ZBTB20: variants seen among roughly 807,000 people sequenced by gnomAD.
The protein encoded by ZBTB20 is zinc finger and BTB domain containing 20, also known as zinc finger and BTB domain-containing protein 20.
A neutral mutation model predicts 56.9 loss-of-function variants in ZBTB20; 9 were observed. The ratio of observed to expected loss-of-function variants is 0.16; its 90% CI spans 0.10 to 0.28. The LOEUF is 0.28. ZBTB20 is among the 10% of genes least tolerant of loss of function. The pLI, the probability that ZBTB20 is intolerant of heterozygous loss-of-function variation, is 1.00. For synonymous variants in ZBTB20, 417 were observed against 420.7 expected (o/e 0.99, Z 0.11); for missense variants, 655 against 1,003.0 (o/e 0.65, Z 4.69).
intron 6 of ZBTB20, among the ~76,000 whole-genome samples, chr3:114,576,178 C>T (rs763066753): frequency 2.0e-5 from 3 of 152,080 alleles, no homozygotes; most frequent in Non-Finnish European, 4.4e-5. Flanking sequence ...GAATACTCGA[C>T]TACTCTGGAC....
At chr3:115,036,320 A>C (rs1440519849) in intron 2 of ZBTB20, among the ~76,000 whole-genome samples, 1 of 151,020 alleles carries the variant, frequency 6.6e-6, no homozygotes, top group Non-Finnish European at 1.5e-5. Context: ...TTTTTTTCCG[A>C]GACGGAGTCT....
intron 6 of ZBTB20, among the ~76,000 whole-genome samples, chr3:114,614,364 A>G (rs2057771733): frequency 6.6e-6 from 1 of 152,204 alleles, no homozygotes; most frequent in South Asian, 2.1e-4. Context: ...GGAAAAATTG[A>G]GTATTGTGAG....
intron 6 of ZBTB20, among the ~76,000 whole-genome samples, chr3:114,567,037 G>T (rs931635260): frequency 6.6e-6 from 1 of 152,134 alleles, no homozygotes; most frequent in Non-Finnish European, 1.5e-5. Context: ...TTGCATAGGG[G>T]TGTCATGTGT....
intron 1 of ZBTB20, among the ~76,000 whole-genome samples, chr3:115,085,329 T>C (rs2082946486): frequency 6.6e-6 from 1 of 151,892 alleles, no homozygotes; most frequent in African/African-American, 2.4e-5. Context: ...CAAATTGGTT[T>C]TGGGATGTGA....
chr3:114,810,992 A>G (rs573681530), intron 4 of ZBTB20, among the ~76,000 whole-genome samples: 2 of 152,310 alleles, frequency 1.3e-5, no homozygotes, highest in East Asian at 3.9e-4. Flanking sequence ...TGGGAGATAA[A>G]TAGTTTTGCC....
intron 6 of ZBTB20, among the ~76,000 whole-genome samples, chr3:114,636,408 G>T (rs1266808516): frequency 6.6e-6 from 1 of 152,056 alleles, no homozygotes; most frequent in Non-Finnish European, 1.5e-5. Flanking sequence ...GTACTCTAAT[G>T]ATAGTGTGTA....
At chr3:114,648,149 T>A (rs2059946043) in intron 6 of ZBTB20, among the ~76,000 whole-genome samples, 1 of 151,808 alleles carries the variant, frequency 6.6e-6, no homozygotes, top group Non-Finnish European at 1.5e-5. Flanking sequence ...TACTCATCAA[T>A]AAAAAATTTA....
intron 5 of ZBTB20, among the ~76,000 whole-genome samples, chr3:114,763,876 A>G (rs1485269631): frequency 1.3e-5 from 2 of 152,174 alleles, no homozygotes; most frequent in African/African-American, 4.8e-5. Flanking sequence ...CAAACCTCTG[A>G]AGCTGATTTT....
intron 6 of ZBTB20, among the ~76,000 whole-genome samples, chr3:114,515,387 A>G (rs2109854557): frequency 6.6e-6 from 1 of 152,288 alleles, no homozygotes; most frequent in African/African-American, 2.4e-5. Context: ...GCTCAGATGA[A>G]CCCACATGTA....
At chr3:114,710,825 A>C (rs1467978247) in intron 5 of ZBTB20, among the ~76,000 whole-genome samples, 2 of 152,182 alleles carry the variant, frequency 1.3e-5, no homozygotes, top group Non-Finnish European at 2.9e-5. Context: ...TGCTTAAAAA[A>C]ATCCTCTATA....
At chr3:114,839,892 T>C (rs946507351) in intron 4 of ZBTB20, among the ~76,000 whole-genome samples, 6 of 152,188 alleles carry the variant, frequency 3.9e-5, no homozygotes, top group African/African-American at 9.6e-5. Context: ...TAGAGTCTTC[T>C]GAGAAAGTGT....
At chr3:114,750,364 G>A (rs749882880) in intron 5 of ZBTB20, among the ~76,000 whole-genome samples, 10 of 151,972 alleles carry the variant, frequency 6.6e-5, no homozygotes, top group South Asian at 2.1e-4. Context: ...GAGCCTCATC[G>A]GACTGTAGGT....
intron 4 of ZBTB20, among the ~76,000 whole-genome samples, chr3:114,833,666 AC>A (rs983423818): frequency 2.0e-5 from 3 of 149,984 alleles, no homozygotes; most frequent in African/African-American, 7.4e-5. Context: ...AGTAGCTGGG[AC>A]CACAGATGCA....
intron 3 of ZBTB20, among the ~76,000 whole-genome samples, chr3:114,972,833 T>C (rs1295123816): frequency 6.6e-6 from 1 of 151,950 alleles, no homozygotes; most frequent in Non-Finnish European, 1.5e-5. Context: ...GTTTCTTTAA[T>C]TTCTCTCTGT....
intron 7 of ZBTB20, among the ~76,000 whole-genome samples, chr3:114,472,064 T>C (rs1263917141): frequency 6.6e-6 from 1 of 152,184 alleles, no homozygotes; most frequent in African/African-American, 2.4e-5. Context: ...GAAAAGACAG[T>C]TCAGGGCTAA....
At chr3:114,340,036 T>G (rs1424131480) in intron 11 of ZBTB20, among the ~76,000 whole-genome samples, 1 of 152,240 alleles carries the variant, frequency 6.6e-6, no homozygotes. Context: ...TTATCTATTT[T>G]AGACAGAAAT....
chr3:115,030,580 T>A (rs1195864269), intron 2 of ZBTB20, among the ~76,000 whole-genome samples: 3 of 151,000 alleles, frequency 2.0e-5, no homozygotes, highest in African/African-American at 7.3e-5. Context: ...AAAATGAAGC[T>A]AACATCAATA....
chr3:114,525,319 G>T (rs533438918), intron 6 of ZBTB20, among the ~76,000 whole-genome samples: 1 of 152,060 alleles, frequency 6.6e-6, no homozygotes, highest in South Asian at 2.1e-4. Flanking sequence ...TTATATTCTT[G>T]GGTTCACACA....
At chr3:114,686,788 G>A (rs1042209318) in intron 6 of ZBTB20, among the ~76,000 whole-genome samples, 3 of 152,080 alleles carry the variant, frequency 2.0e-5, no homozygotes, top group African/African-American at 7.2e-5. Flanking sequence ...TCTCTAACGA[G>A]AATGAAGTTC....
Sources: allele counts gnomAD v4.1 joint callset (sites outside exome capture counted in the v4.1 genomes callset), GRCh38; gene constraint gnomAD v4.1.1; transcripts MANE v1.5; gene names NCBI Gene and HGNC (gene_info 2026-07-23, HGNC 2026-07-21).